The following NBAS variants were observed in gnomAD, a reference collection of about 807,000 sequenced individuals.
NBAS encodes the protein NBAS subunit of NRZ tethering complex.
NBAS carries 219 observed loss-of-function variants against 302.5 expected under a neutral mutation model. The observed-to-expected ratio is 0.72, with a 90% CI of 0.65 to 0.81. NBAS has a LOEUF of 0.81. Among genes scored for constraint, NBAS ranks in the 30% least tolerant of loss-of-function variants. The pLI is 0.00. For synonymous variants in NBAS, 1,118 were observed against 1,021.6 expected, an observed-to-expected ratio of 1.09 and a Z score of -1.80; for missense variants, 2,932 against 2,841.6, an observed-to-expected ratio of 1.03 and a Z score of -0.72.
intron 34 of NBAS, 68 bp downstream of exon 34, chr2:15,353,485 C>T (rs1673464964): frequency 6.3e-7 from 1 of 1,580,010 alleles, no homozygotes; most frequent in Non-Finnish European, 8.7e-7. Flanking sequence ...TGACCACATA[C>T]CTCAGATACA....
At chr2:15,435,790 T>G (rs1363086489) in intron 21 of NBAS, among the ~76,000 whole-genome samples, 2 of 152,220 alleles carry the variant, frequency 1.3e-5, no homozygotes, top group Non-Finnish European at 2.9e-5. Context: ...AATCTTTCGA[T>G]AGTATATAAG....
the NBAS span, among the ~76,000 whole-genome samples, chr2:14,951,300 C>A: frequency 1.3e-5 from 2 of 152,168 alleles, no homozygotes; most frequent in African/African-American, 4.8e-5. Context: ...GCTCGACCCC[C>A]CTCCCATCTT....
At chr2:15,502,354 T>G (rs956496525) in intron 11 of NBAS, among the ~76,000 whole-genome samples, 1 of 152,202 alleles carries the variant, frequency 6.6e-6, no homozygotes, top group African/African-American at 2.4e-5. Context: ...TATAGTACAG[T>G]CATGTATCAC....
rs192346543 is a variant in NBAS at position 15,558,391 on chromosome 2, G to C, written c.172+189C>G. Among the ~76,000 whole-genome samples, 3 of 152,186 alleles carry C rather than the reference G, an allele frequency of 2.0e-5. No homozygotes were observed. The East Asian group carries it at 5.8e-4, about 29-fold the overall frequency. On this transcript the variant is annotated intron_variant, in intron 2 of 51. Coordinates refer to ENST00000281513, the MANE Select transcript of NBAS (RefSeq NM_015909.4). The stretch of plus-strand genomic sequence containing the variant: ...TATACTTTAGCTCTAAGCTGCATTA[G>C]AGCTAAAAACGTGCATGCGTAAATA...
At chr2:15,140,924 A>C in the NBAS span, among the ~76,000 whole-genome samples, 13,003 of 152,318 alleles carry the variant, frequency 0.085, 640 homozygotes, top group African/African-American at 0.15. Context: ...CCTGCAAGCC[A>C]GGCTTATCCC....
chr2:15,137,700 T>C, the NBAS span, among the ~76,000 whole-genome samples: 1 of 152,290 alleles, frequency 6.6e-6, no homozygotes, highest in East Asian at 1.9e-4. Flanking sequence ...AAAAGCATCA[T>C]CTTTGCCCAG....
intron 47 of NBAS, among the ~76,000 whole-genome samples, chr2:15,220,035 T>C (rs1261832090): frequency 1.1e-4 from 12 of 113,760 alleles, no homozygotes; most frequent in East Asian, 5.5e-4. Flanking sequence ...GGGGGGCTGA[T>C]CCCCCCACCT....
chr2:15,418,059 C>A (rs1677034094), intron 23 of NBAS, among the ~76,000 whole-genome samples: 1 of 152,160 alleles, frequency 6.6e-6, no homozygotes, highest in South Asian at 2.1e-4. Context: ...CACATACCTA[C>A]TAATGATAAT....
At chr2:15,533,831 G>A (rs1168368871) in intron 9 of NBAS, among the ~76,000 whole-genome samples, 2 of 151,902 alleles carry the variant, frequency 1.3e-5, no homozygotes, top group Admixed American at 6.6e-5. Flanking sequence ...AAAGACTTAA[G>A]TATACTGAGA....
At chr2:15,533,695 T>C (rs1042094736) in intron 9 of NBAS, among the ~76,000 whole-genome samples, 4 of 36,038 alleles carry the variant, frequency 1.1e-4, no homozygotes, top group African/African-American at 2.1e-4. Flanking sequence ...TGTGTGTGTG[T>C]GTGTGTGTGT....
At chr2:14,847,878 A>G in the NBAS span, among the ~76,000 whole-genome samples, 5 of 152,234 alleles carry the variant, frequency 3.3e-5, no homozygotes, top group African/African-American at 1.2e-4. Context: ...GCCATATGTT[A>G]GGTCACAAAA....
intron 6 of NBAS, among the ~76,000 whole-genome samples, chr2:15,540,377 A>G (rs1479965653): frequency 6.6e-6 from 1 of 151,980 alleles, no homozygotes; most frequent in Non-Finnish European, 1.5e-5. Flanking sequence ...TGCCTCTGCC[A>G]CTATCCCAGC....
At chr2:15,068,389 C>A in the NBAS span, among the ~76,000 whole-genome samples, 6 of 152,142 alleles carry the variant, frequency 3.9e-5, no homozygotes, top group African/African-American at 1.4e-4. Flanking sequence ...TCTGGAGACA[C>A]CGAGGAAGGC....
At chr2:15,181,621 G>A (rs1348868942) in intron 50 of NBAS, among the ~76,000 whole-genome samples, 2 of 152,200 alleles carry the variant, frequency 1.3e-5, no homozygotes, top group African/African-American at 2.4e-5. Flanking sequence ...AGGACAGAAC[G>A]AACAAGAGAT....
At position 15,293,755 on chromosome 2, in the gene NBAS, AT is replaced by A. The variant is rs372928193; in HGVS notation, c.4798-990del. On this transcript the variant is annotated intron_variant, in intron 40 of 51. Coordinates refer to ENST00000281513, the MANE Select transcript of NBAS (RefSeq NM_015909.4). The stretch of plus-strand genomic sequence containing the variant: ...GCCATTATTCTGATCTGCACAGGAG[AT>A]TTGTCAATGTCGAGTCTAGATTACC... Among the ~76,000 whole-genome samples the A allele has an allele frequency of 2.0e-4, 30 of 152,188 alleles. 2 individuals are homozygous for A. In the East Asian group the frequency reaches 2.5e-3, roughly 13 times the overall value.
chr2:14,916,056 G>C, the NBAS span, among the ~76,000 whole-genome samples: 2 of 152,092 alleles, frequency 1.3e-5, no homozygotes, highest in African/African-American at 4.8e-5. Flanking sequence ...TCAGCAGCAT[G>C]AAAACGGACT....
intron 3 of NBAS, among the ~76,000 whole-genome samples, chr2:15,556,357 C>T (rs1664646500): frequency 6.6e-6 from 1 of 152,160 alleles, no homozygotes; most frequent in Non-Finnish European, 1.5e-5. Context: ...TGCAAATATA[C>T]TTAACACTCA....
At chr2:15,134,871 T>C in the NBAS span, among the ~76,000 whole-genome samples, 1 of 152,202 alleles carries the variant, frequency 6.6e-6, no homozygotes. Flanking sequence ...CTGAATTATG[T>C]ATGATCCCCT....
rs1442910328 is a variant in NBAS at position 15,402,208 on chromosome 2, A to G, written c.3031T>C (p.Cys1011Arg). ...GGCAGACATTCTAGTAGGTCATAGCAAAGACAGAGTTGATCATTTCGTTCA... is the reference window on the plus strand; with the variant it reads ...GGCAGACATTCTAGTAGGTCATAGCGAAGACAGAGTTGATCATTTCGTTCA... ...TCERNDQLCL[C>R]YDLLECLPER... Residue 1011 changes from cysteine (C) to arginine (R), a missense_variant, in exon 26 of 52, where the codon TGC (cysteine) becomes CGC (arginine). Transcript: ENST00000281513. The G allele has an allele frequency of 6.2e-7, 1 of 1,613,674 alleles. No homozygotes were observed. The highest frequency in any genetic ancestry group is 1.7e-5 in the Admixed American group (1 of 60,020).
Sources: gnomAD v4.1 joint callset for allele counts (sites outside exome capture counted in the v4.1 genomes callset) on GRCh38, gnomAD v4.1.1 for gene constraint, MANE v1.5 for transcripts, NCBI Gene and HGNC (gene_info 2026-07-23, HGNC 2026-07-21) for gene names.